CSMD1: variants seen among roughly 807,000 people sequenced by gnomAD.
CSMD1 encodes CUB and sushi domain-containing protein 1.
In CSMD1, 213 loss-of-function variants were observed where a neutral mutation model predicts 417.5. That is an observed-to-expected ratio of 0.51 (90% CI 0.46 to 0.57). The LOEUF is 0.57. CSMD1 is among the 20% of genes least tolerant of loss of function. The pLI is 0.00. For synonymous variants in CSMD1, 2,862 were observed against 1,736.8 expected (o/e 1.65, Z -16.11); for missense variants, 6,923 against 4,529.7 (o/e 1.53, Z -15.17).
chr8:3,003,576 A>C (rs1214689585), intron 52 of CSMD1, among the ~76,000 whole-genome samples: 1 of 152,186 alleles, frequency 6.6e-6, no homozygotes, highest in Non-Finnish European at 1.5e-5. Context: ...TAATTCATTT[A>C]TTTGACAATA....
intron 10 of CSMD1, among the ~76,000 whole-genome samples, chr8:3,520,079 T>G (rs2117444954): frequency 6.6e-6 from 1 of 150,702 alleles, no homozygotes; most frequent in South Asian, 2.1e-4. Flanking sequence ...GTAATAATAG[T>G]AAAATTCTAT....
At chr8:3,564,192 A>T (rs1302452627) in intron 10 of CSMD1, among the ~76,000 whole-genome samples, 1 of 152,174 alleles carries the variant, frequency 6.6e-6, no homozygotes, top group Admixed American at 6.5e-5. Context: ...TATATAATAA[A>T]TTATCATTAA....
intron 3 of CSMD1, among the ~76,000 whole-genome samples, chr8:4,141,089 C>G (rs892590716): frequency 6.6e-6 from 1 of 151,198 alleles, no homozygotes; most frequent in South Asian, 2.1e-4. Flanking sequence ...TACAAACTTC[C>G]CATTTTCAGA....
chr8:4,902,336 C>A (rs550958032), intron 1 of CSMD1, among the ~76,000 whole-genome samples: 3 of 151,130 alleles, frequency 2.0e-5, no homozygotes, highest in Non-Finnish European at 2.9e-5. Context: ...ACTCAGGAGA[C>A]TGAGGCAGAA....
chr8:3,671,550 TATATATGATC>T (rs1563257043), intron 7 of CSMD1, among the ~76,000 whole-genome samples: 486 of 13,978 alleles, frequency 0.035, 57 homozygotes, highest in Admixed American at 0.071. Flanking sequence ...TATATGATCA[TATATATGATC>T]ATATATATAT....
Position 4,518,551 on chromosome 8 carries a change from G to C in CSMD1, c.303-98486C>G, listed in dbSNP as rs533194804. Among the ~76,000 whole-genome samples the C allele has an allele frequency of 5.4e-4, 81 of 149,972 alleles. 1 individual carries two copies. The highest frequency in any genetic ancestry group is 2.0e-3 in the African/African-American group (80 of 40,698). On this transcript the variant is annotated intron_variant, in intron 2 of 69. Transcript: ENST00000635120. ...AAACACCGCGTGCTCTCACTCATAG[G>C]TGGGAATTGAACAGTGAGAACACAT...
In CSMD1 at chr8:4,339,080, T is replaced by C. The variant is rs533133040; in HGVS notation, c.415+80873A>G. ...AACTATTGCTTGGGTAGTAGAGGCA[T>C]GGATTCTGAGTCTAGACAAAAGAGC... On this transcript the variant is annotated intron_variant, in intron 3 of 69. Coordinates refer to ENST00000635120, the MANE Select transcript of CSMD1 (RefSeq NM_033225.6). Among the ~76,000 whole-genome samples, 13 of 152,182 alleles carry C rather than the reference T, an allele frequency of 8.5e-5. 1 individual carries two copies. Among genetic ancestry groups the C allele is most frequent in the Admixed American group, 3.3e-4 (5 of 15,260 alleles).
chr8:3,185,032 G>A (rs1448753625), intron 36 of CSMD1, among the ~76,000 whole-genome samples: 2 of 152,152 alleles, frequency 1.3e-5, no homozygotes, highest in Non-Finnish European at 1.5e-5. Context: ...TAAGTCCATT[G>A]CTTTCTCAAG....
At chr8:3,437,567 G>T (rs112688189) in intron 12 of CSMD1, among the ~76,000 whole-genome samples, 6 of 152,290 alleles carry the variant, frequency 3.9e-5, no homozygotes, top group African/African-American at 1.4e-4. Flanking sequence ...AAACTGGACT[G>T]CAGGAGCCCA....
chr8:4,315,143 C>A (rs1027968254), intron 3 of CSMD1, among the ~76,000 whole-genome samples: 2 of 152,308 alleles, frequency 1.3e-5, no homozygotes, highest in African/African-American at 4.8e-5. Flanking sequence ...CATTCTCTGC[C>A]CTCATCCACA....
intron 1 of CSMD1, among the ~76,000 whole-genome samples, chr8:4,790,018 G>A (rs907404431): frequency 6.6e-6 from 1 of 152,154 alleles, no homozygotes; most frequent in African/African-American, 2.4e-5. Flanking sequence ...TTATAGTGAT[G>A]AAAAGGAATC....
At chr8:3,588,350 G>C (rs932820467) in intron 8 of CSMD1, among the ~76,000 whole-genome samples, 1 of 152,094 alleles carries the variant, frequency 6.6e-6, no homozygotes, top group Non-Finnish European at 1.5e-5. Context: ...GCACCATGAA[G>C]AAAATAAATA....
At chr8:3,403,191 C>A (rs1224001793) in intron 15 of CSMD1, among the ~76,000 whole-genome samples, 1 of 152,174 alleles carries the variant, frequency 6.6e-6, no homozygotes, top group Admixed American at 6.5e-5. Context: ...TTAAACAAAA[C>A]ACTTTTCAAG....
intron 18 of CSMD1, among the ~76,000 whole-genome samples, chr8:3,380,498 A>G (rs1810564702): frequency 6.6e-6 from 1 of 152,244 alleles, no homozygotes; most frequent in African/African-American, 2.4e-5. Flanking sequence ...CCAAATGTCC[A>G]TCAATGATAG....
chr8:3,895,654 A>G (rs1584927033), intron 5 of CSMD1, among the ~76,000 whole-genome samples: 1 of 152,344 alleles, frequency 6.6e-6, no homozygotes, highest in African/African-American at 2.4e-5. Context: ...AATAATTACT[A>G]TATTTGAGAC....
intron 7 of CSMD1, among the ~76,000 whole-genome samples, chr8:3,697,092 G>C (rs1023038363): frequency 1.3e-5 from 2 of 152,110 alleles, no homozygotes; most frequent in Non-Finnish European, 2.9e-5. Context: ...ATAACTGCAG[G>C]CCCAATATTG....
intron 10 of CSMD1, among the ~76,000 whole-genome samples, chr8:3,557,451 G>T (rs534844851): frequency 6.6e-6 from 1 of 152,184 alleles, no homozygotes; most frequent in Non-Finnish European, 1.5e-5. Flanking sequence ...ATTCAAAGAG[G>T]TTTTAGACAT....
At chr8:4,955,278 T>A (rs1809016662) in intron 1 of CSMD1, among the ~76,000 whole-genome samples, 1 of 152,176 alleles carries the variant, frequency 6.6e-6, no homozygotes, top group Non-Finnish European at 1.5e-5. Flanking sequence ...ACCAATAAAG[T>A]TGCATAAACT....
At chr8:4,659,104 T>C (rs777814623) in intron 1 of CSMD1, among the ~76,000 whole-genome samples, 2 of 151,888 alleles carry the variant, frequency 1.3e-5, no homozygotes, top group Non-Finnish European at 2.9e-5. Context: ...AATAACCGAT[T>C]AAAAATGTAA....
Sources: allele counts gnomAD v4.1 joint callset (sites outside exome capture counted in the v4.1 genomes callset), GRCh38; gene constraint gnomAD v4.1.1; transcripts MANE v1.5; gene names NCBI Gene and HGNC (gene_info 2026-07-23, HGNC 2026-07-21).